Variants in CXXC4 observed in about 807,000 individuals in gnomAD.
CXXC4 encodes the protein CXXC finger protein 4, also known as CXXC-type zinc finger protein 4.
Under a neutral mutation model 20.5 loss-of-function variants are expected in CXXC4, and 5 were observed. The ratio of observed to expected loss-of-function variants is 0.24; its 90% CI spans 0.13 to 0.51. The LOEUF (loss-of-function observed/expected upper bound fraction) is 0.51, where lower values mean the gene tolerates loss of function less well. Among genes scored for constraint, CXXC4 ranks in the 20% least tolerant of loss-of-function variants. The pLI, the probability that CXXC4 is intolerant of heterozygous loss-of-function variation, is 0.97. For synonymous variants in CXXC4, 250 were observed against 216.4 expected (o/e 1.16, Z -1.36); for missense variants, 419 against 496.4 (o/e 0.84, Z 1.48).
rs1736214446 is a variant in CXXC4 at position 104,469,718 on chromosome 4, T to C, written c.*2604A>G. The C allele has an allele frequency of 6.6e-6, 1 of 151,982 alleles. No individual in the cohort carries two copies. The allele number at this position is 151,982 out of a possible 1,614,324, so 9.4% of individuals were successfully genotyped here. On this transcript the variant is annotated 3_prime_UTR_variant, in exon 3 of 3. Coordinates refer to ENST00000394767, the MANE Select transcript of CXXC4 (RefSeq NM_025212.4). The stretch of plus-strand genomic sequence containing the variant: ...TTATATGCATCCTACATTATATAAA[T>C]GGAGTTTAACCAAAAACATTAAAAA...
At chr4:104,485,776 C>A (rs544593799) in intron 2 of CXXC4, among the ~76,000 whole-genome samples, 2 of 152,004 alleles carry the variant, frequency 1.3e-5, no homozygotes, top group African/African-American at 4.8e-5. Context: ...TTTTTGCATG[C>A]CTTTCAATTT....
At chr4:104,488,875 G>A (rs1736762900) in intron 2 of CXXC4, among the ~76,000 whole-genome samples, 1 of 152,036 alleles carries the variant, frequency 6.6e-6, no homozygotes, top group South Asian at 2.1e-4. Context: ...TCTTAAATTG[G>A]GATGCAAGTA....
At chr4:104,485,430 T>C (rs1736661504) in intron 2 of CXXC4, among the ~76,000 whole-genome samples, 1 of 152,094 alleles carries the variant, frequency 6.6e-6, no homozygotes, top group Non-Finnish European at 1.5e-5. Context: ...TTTAAGAAAT[T>C]AAAGCATATC....
Position 104,472,336 on chromosome 4 carries a change from G to C in CXXC4, c.1090C>G (p.Arg364Gly). ...ATACTACTGCTTTAAAAGAACCATC[G>C]GAATGCTTCAGCGCTGGGAACAGGT... is the stretch of plus-strand genomic sequence containing the variant. The part of the protein sequence containing the change: ...RTPVPSAEAF[R>G]WFF Residue 364 changes from arginine to glycine, a missense_variant, in exon 3 of 3, where the codon CGA (arginine) becomes GGA (glycine). By Grantham distance (125) the Arg-to-Gly change is moderately radical (BLOSUM62 -2). This residue lies in a region of CXXC4 where 16 missense variants were observed against 17.4 expected (regional missense o/e 0.92). Coordinates refer to ENST00000394767, the MANE Select transcript of CXXC4 (RefSeq NM_025212.4). 1 of 1,603,640 alleles carries C rather than the reference G, an allele frequency of 6.2e-7. No homozygotes were observed. The highest frequency in any genetic ancestry group is 8.5e-7 in the Non-Finnish European group (1 of 1,174,186).
chr4:104,480,694 T>C (rs1316513081), intron 2 of CXXC4, among the ~76,000 whole-genome samples: 5 of 152,138 alleles, frequency 3.3e-5, no homozygotes, highest in Non-Finnish European at 2.9e-5. Context: ...ATTCTGAGAC[T>C]AACTATTGCT....
intron 2 of CXXC4, among the ~76,000 whole-genome samples, chr4:104,482,939 C>T (rs1736592963): frequency 6.6e-6 from 1 of 152,034 alleles, no homozygotes; most frequent in South Asian, 2.1e-4. Flanking sequence ...GCACTTTCAG[C>T]ACCGTCTTTC....
chr4:104,482,912 T>A (rs1489142561), intron 2 of CXXC4, among the ~76,000 whole-genome samples: 1 of 152,066 alleles, frequency 6.6e-6, no homozygotes, highest in Non-Finnish European at 1.5e-5. Context: ...TGTCTTTTAG[T>A]CTTTGGGCAA....
At chr4:104,485,682 T>G (rs1560542139) in intron 2 of CXXC4, among the ~76,000 whole-genome samples, 1 of 152,084 alleles carries the variant, frequency 6.6e-6, no homozygotes, top group Non-Finnish European at 1.5e-5. Flanking sequence ...ATTCCAACAA[T>G]GTTTCCACCC....
chr4:104,484,448 T>C (rs530307495), intron 2 of CXXC4, among the ~76,000 whole-genome samples: 5 of 152,150 alleles, frequency 3.3e-5, no homozygotes, highest in South Asian at 4.1e-4. Flanking sequence ...ATATAATTTA[T>C]ACCATTTTAT....
chr4:104,489,341 G>T (rs142719633), intron 2 of CXXC4, among the ~76,000 whole-genome samples: 30 of 151,812 alleles, frequency 2.0e-4, no homozygotes, highest in African/African-American at 6.8e-4. Flanking sequence ...ACAATTAAAG[G>T]TTAAAAAAAA....
In CXXC4 at chr4:104,490,926, C is replaced by A; in HGVS notation, c.877G>T (p.Gly293Trp). 6.2e-7 allele frequency: 1 copy of A among 1,614,126 alleles called. No individual in the cohort carries two copies. Among genetic ancestry groups the A allele is most frequent in the Non-Finnish European group, 8.5e-7 (1 of 1,180,034 alleles). The change falls in exon 2 of 3, where the codon GGG becomes TGG. Residue 293 changes from glycine to tryptophan, a missense_variant. Gly to Trp is a radical substitution (Grantham distance 184, BLOSUM62 -2). Around this residue, in one of 3 missense-constraint regions of CXXC4, gnomAD observed 388 missense variants for 416.0 expected, o/e 0.93. Transcript: ENST00000394767. Reference sequence around the variant, plus strand: ...GCTGGGTTGGCTCCGCCAGCTCCCCCTGAGGAGGACGAGGAGGAGGAGGAA... The same window carrying A: ...GCTGGGTTGGCTCCGCCAGCTCCCCATGAGGAGGACGAGGAGGAGGAGGAA... Reference protein sequence around the residue: ...NHSSSSSSSSGGAGGANPAKK... With the variant: ...NHSSSSSSSSWGAGGANPAKK...
rs1736234168 is a variant in CXXC4, at chr4:104,470,263, A to C, written c.*2059T>G. On this transcript the variant is annotated 3_prime_UTR_variant, in exon 3 of 3. Coordinates refer to ENST00000394767, the MANE Select transcript of CXXC4 (RefSeq NM_025212.4). ...ACCCTCAAAGAAATATACATCAAGT[A>C]GAAAGCTATCTCAAAATTAATACAG... 1 of 151,970 alleles carries C rather than the reference A, an allele frequency of 6.6e-6. No individual in the cohort carries two copies. The highest frequency in any genetic ancestry group is 2.1e-4 in the South Asian group (1 of 4,824). 9.4% of individuals were successfully genotyped at this position (151,970 alleles called of 1,614,324 possible). A position where few individuals can be genotyped will look rare whatever the true frequency, so the allele number is the denominator to read the frequency against.
intron 2 of CXXC4, among the ~76,000 whole-genome samples, chr4:104,480,777 T>C (rs1736537025): frequency 6.6e-6 from 1 of 152,098 alleles, no homozygotes. Context: ...CGCCCCTTTC[T>C]GATTTCCCTT....
rs544788608 is a variant in CXXC4 at position 104,468,546 on chromosome 4, T to C, written c.*3776A>G. 5.3e-5 allele frequency: 8 copies of C among 152,084 alleles called. No homozygotes were observed. In the South Asian group the frequency reaches 1.7e-3, roughly 31 times the overall value. 9.4% of individuals were successfully genotyped at this position (152,084 alleles called of 1,614,324 possible). On this transcript the variant is annotated 3_prime_UTR_variant, in exon 3 of 3. Transcript: ENST00000394767. Reference sequence around the variant, plus strand: ...GAAAATTTAATAGATAACTGCACAGTTCAGAAGAGGAGAACACTGTGAAAG... The same window carrying C: ...GAAAATTTAATAGATAACTGCACAGCTCAGAAGAGGAGAACACTGTGAAAG...
rs576344909 is a variant in CXXC4, at chr4:104,472,629, G to A, written c.1060-263C>T. On this transcript the variant is annotated intron_variant, in intron 2 of 2. Transcript: ENST00000394767. ...ATATAGGAAATGCAGCCTGAAACACGTATAGGAAGCAGAATAAAGGTAAAG... is the reference window on the plus strand; with the variant it reads ...ATATAGGAAATGCAGCCTGAAACACATATAGGAAGCAGAATAAAGGTAAAG... Among the ~76,000 whole-genome samples the A allele has an allele frequency of 3.6e-4, 54 of 152,022 alleles. 1 individual carries two copies. Among genetic ancestry groups the A allele is most frequent in the African/African-American group, 1.1e-3 (45 of 41,534 alleles).
At chr4:104,479,279 G>A (rs1260268182) in intron 2 of CXXC4, among the ~76,000 whole-genome samples, 7 of 152,044 alleles carry the variant, frequency 4.6e-5, no homozygotes. Flanking sequence ...ATCTTAAGAG[G>A]TGATGTTTAA....
intron 2 of CXXC4, among the ~76,000 whole-genome samples, chr4:104,483,277 T>C (rs1205956233): frequency 1.3e-5 from 2 of 151,986 alleles, no homozygotes; most frequent in Non-Finnish European, 2.9e-5. Flanking sequence ...AAAAAGCTTT[T>C]ATAACAGCTA....
Position 104,491,325 on chromosome 4 carries a change from C to T in CXXC4, c.478G>A (p.Gly160Ser), listed in dbSNP as rs370109633. Reference sequence around the variant, plus strand: ...GTCCTGCTGCCGCCGCCGCCGCCGCCGCCGCCACCGCCGGCGGGGAGGATC... The same window carrying T: ...GTCCTGCTGCCGCCGCCGCCGCCGCTGCCGCCACCGCCGGCGGGGAGGATC... ...SAILPAGGGG[G>S]GGGGGSRTSM... The change falls in exon 2 of 3, where the codon GGC (glycine) becomes AGC (serine). Residue 160 changes from glycine to serine, a missense_variant. Transcript: ENST00000394767. 7.9e-4 allele frequency: 1,221 copies of T among 1,549,114 alleles called. 2 individuals are homozygous for T. The highest frequency in any genetic ancestry group is 7.7e-4 in the Non-Finnish European group (889 of 1,150,510).
chr4:104,469,238 G>A lies in CXXC4; in HGVS notation c.*3084C>T, dbSNP rs970343658. ...GAGGTTTGCATTAATGATGTTCTTC[G>A]TGATGTTATGGTGCTGAGTGACAAC... On this transcript the variant is annotated 3_prime_UTR_variant, in exon 3 of 3. Coordinates refer to ENST00000394767, the MANE Select transcript of CXXC4 (RefSeq NM_025212.4). 6.6e-6 allele frequency: 1 copy of A among 151,944 alleles called. No homozygotes were observed. The highest frequency in any genetic ancestry group is 2.4e-5 in the African/African-American group (1 of 41,404). 9.4% of individuals were successfully genotyped at this position (151,944 alleles called of 1,614,324 possible). A position where few individuals can be genotyped will look rare whatever the true frequency, so the allele number is the denominator to read the frequency against.
Sources: gnomAD v4.1 joint callset for allele counts (sites outside exome capture counted in the v4.1 genomes callset) on GRCh38, gnomAD v4.1.1 for gene constraint, gnomAD v4.1.1 regional missense constraint, MANE v1.5 for transcripts, NCBI Gene and HGNC (gene_info 2026-07-23, HGNC 2026-07-21) for gene names.